Variants in GARIN1B observed in about 807,000 individuals in gnomAD.
The protein encoded by GARIN1B is golgi associated RAB2 interactor 1B.
the GARIN1B span, chr7:128,709,240 C>A: frequency 6.6e-6 from 1 of 152,158 alleles, no homozygotes; most frequent in Non-Finnish European, 1.5e-5. Flanking sequence ...TTTTAAGTCA[C>A]AATACTTTGG....
the GARIN1B span, among the ~76,000 whole-genome samples, chr7:128,718,197 C>T: frequency 4.6e-5 from 7 of 152,144 alleles, no homozygotes; most frequent in African/African-American, 1.7e-4. Flanking sequence ...CTTTGGGAGG[C>T]AGAGGCAGGT....
At chr7:128,716,859 C>A in the GARIN1B span, 1 of 1,613,748 alleles carries the variant, frequency 6.2e-7, no homozygotes, top group Non-Finnish European at 8.5e-7. Context: ...GCTTCCAACA[C>A]CATGGCCCTG....
the GARIN1B span, among the ~76,000 whole-genome samples, chr7:128,722,187 T>C: frequency 1.2e-4 from 19 of 152,252 alleles, 1 homozygote; most frequent in Admixed American, 1.0e-3. Flanking sequence ...TGCTATTACT[T>C]CTTCTTTAAA....
At chr7:128,713,891 C>A in the GARIN1B span, 1 of 1,054,146 alleles carries the variant, frequency 9.5e-7, no homozygotes, top group Non-Finnish European at 1.4e-6. Context: ...TTATTAATTA[C>A]TACGCTTTTG....
the GARIN1B span, among the ~76,000 whole-genome samples, chr7:128,727,865 C>G: frequency 6.6e-6 from 1 of 152,114 alleles, no homozygotes; most frequent in African/African-American, 2.4e-5. Context: ...TCATTATTCC[C>G]TAGTTGTTTT....
At chr7:128,709,750 C>CTGTCTTTTTTTTTTT in the GARIN1B span, among the ~76,000 whole-genome samples, 3 of 114,618 alleles carry the variant, frequency 2.6e-5, 1 homozygote. Context: ...CTCTCTCTCT[C>CTGTCTTTTTTTTTTT]TTTTTTTTTT....
At chr7:128,711,299 T>G in the GARIN1B span, among the ~76,000 whole-genome samples, 1 of 151,892 alleles carries the variant, frequency 6.6e-6, no homozygotes, top group South Asian at 2.1e-4. Flanking sequence ...TCACAGGAAA[T>G]GAGTAGCTAG....
chr7:128,723,671 C>T, the GARIN1B span, among the ~76,000 whole-genome samples: 51 of 151,934 alleles, frequency 3.4e-4, no homozygotes, highest in African/African-American at 1.2e-3. Context: ...CACCATGCCC[C>T]CAACTAATTT....
chr7:128,724,754 A>G, the GARIN1B span: 1 of 1,289,550 alleles, frequency 7.8e-7, no homozygotes, highest in Non-Finnish European at 1.0e-6. Context: ...AGAGAGGAGA[A>G]TTTTGTCACA....
At chr7:128,712,114 C>T in the GARIN1B span, among the ~76,000 whole-genome samples, 608 of 152,190 alleles carry the variant, frequency 4.0e-3, 1 homozygote, top group Non-Finnish European at 5.4e-3. Context: ...ACTGCTTATG[C>T]AATAATAAAG....
the GARIN1B span, among the ~76,000 whole-genome samples, chr7:128,722,805 A>G: frequency 1.6e-3 from 235 of 151,514 alleles, 1 homozygote; most frequent in African/African-American, 5.4e-3. Flanking sequence ...CTCTGCCTCA[A>G]AAAAAAAACT....
At chr7:128,711,877 C>T in the GARIN1B span, among the ~76,000 whole-genome samples, 1 of 152,110 alleles carries the variant, frequency 6.6e-6, no homozygotes, top group African/African-American at 2.4e-5. Context: ...CCCGTCTCTA[C>T]TAAAAATACA....
chr7:128,730,564 G>T, the GARIN1B span, among the ~76,000 whole-genome samples: 1 of 152,170 alleles, frequency 6.6e-6, no homozygotes, highest in African/African-American at 2.4e-5. Flanking sequence ...TACTTCCTAT[G>T]TGCCTCTGTT....
At chr7:128,717,440 CTTTCT>C in the GARIN1B span, among the ~76,000 whole-genome samples, 8 of 139,472 alleles carry the variant, frequency 5.7e-5, no homozygotes, top group Non-Finnish European at 1.1e-4. Context: ...CTTTTTCTTT[CTTTCT>C]TTTTTTTTTT....
the GARIN1B span, among the ~76,000 whole-genome samples, chr7:128,717,264 A>T: frequency 1.3e-5 from 2 of 152,136 alleles, no homozygotes; most frequent in African/African-American, 4.8e-5. Context: ...CTGAATTCAT[A>T]GGAAATCTCT....
chr7:128,711,686 C>T, the GARIN1B span, among the ~76,000 whole-genome samples: 15 of 152,002 alleles, frequency 9.9e-5, no homozygotes, highest in Non-Finnish European at 1.6e-4. Flanking sequence ...CACACACACA[C>T]ACACACACAC....
chr7:128,724,952 C>T, the GARIN1B span: 13 of 1,091,268 alleles, frequency 1.2e-5, no homozygotes, highest in Non-Finnish European at 1.5e-5. Flanking sequence ...CCTGGGGGCT[C>T]AGTCTTCAGA....
At chr7:128,716,791 G>A in the GARIN1B span, 83 of 1,585,296 alleles carry the variant, frequency 5.2e-5, no homozygotes, top group Non-Finnish European at 7.0e-5. Context: ...TGCTCAGGTT[G>A]TGCCTGGGGG....
chr7:128,719,892 G>T, the GARIN1B span, among the ~76,000 whole-genome samples: 1 of 151,648 alleles, frequency 6.6e-6, no homozygotes, highest in Admixed American at 6.6e-5. Flanking sequence ...TAGAGATGGG[G>T]TTTCACCATG....
Sources: gnomAD v4.1 joint callset for allele counts (sites outside exome capture counted in the v4.1 genomes callset) on GRCh38, gnomAD v4.1.1 for gene constraint, MANE v1.5 for transcripts, NCBI Gene and HGNC (gene_info 2026-07-23, HGNC 2026-07-21) for gene names.